Variants in MGA observed in about 807,000 individuals in gnomAD.
MGA encodes MAX dimerization protein MGA.
MGA carries 40 observed loss-of-function variants against 261.1 expected under a neutral mutation model. The ratio of observed to expected loss-of-function variants is 0.15; its 90% CI spans 0.12 to 0.20. The LOEUF (loss-of-function observed/expected upper bound fraction) is 0.20. Among genes scored for constraint, MGA ranks in the 10% least tolerant of loss-of-function variants. MGA has a pLI of 1.00. For synonymous variants in MGA, 1,302 were observed against 1,290.6 expected (o/e 1.01, Z -0.19); for missense variants, 3,397 against 3,630.5 (o/e 0.94, Z 1.65).
intron 9 of MGA, among the ~76,000 whole-genome samples, chr15:41,722,270 C>T (rs1019361258): frequency 2.0e-5 from 3 of 151,908 alleles, no homozygotes; most frequent in Non-Finnish European, 2.9e-5. Flanking sequence ...GCTGGGACTA[C>T]AGGCGCCCGC....
chr15:41,644,326 T>C (rs1424489647), intron 1 of MGA, among the ~76,000 whole-genome samples: 1 of 120,464 alleles, frequency 8.3e-6, no homozygotes, highest in Non-Finnish European at 1.6e-5. Flanking sequence ...CTGGGCAACG[T>C]AGCAAGACTC....
intron 1 of MGA, among the ~76,000 whole-genome samples, chr15:41,624,438 G>A (rs1444435148): frequency 2.7e-5 from 4 of 150,596 alleles, no homozygotes; most frequent in Non-Finnish European, 1.5e-5. Context: ...TGTATTTTTA[G>A]TAGAGATAGG....
chr15:41,713,658 GCACA>G (rs1567020445), intron 9 of MGA, among the ~76,000 whole-genome samples, 162 bp downstream of exon 9: 1 of 152,178 alleles, frequency 6.6e-6, no homozygotes, highest in Non-Finnish European at 1.5e-5. Flanking sequence ...TATCTGAGAT[GCACA>G]CAAACACACA....
intron 19 of MGA, among the ~76,000 whole-genome samples, chr15:41,759,436 ATATGTGTGTG>A (rs1279927704): frequency 6.9e-6 from 1 of 145,448 alleles, no homozygotes; most frequent in Admixed American, 6.9e-5. Context: ...AAGCTTCTTA[ATATGTGTGTG>A]TGTGTGTGTG....
chr15:41,683,337 C>T (rs950960003), intron 2 of MGA, among the ~76,000 whole-genome samples: 5 of 151,804 alleles, frequency 3.3e-5, no homozygotes, highest in Non-Finnish European at 7.4e-5. Flanking sequence ...ATCCTCTCAC[C>T]TCAGCCTCCT....
intron 9 of MGA, 24 bp from the exon 10 acceptor site, chr15:41,727,156 A>C (rs760074712): frequency 6.3e-7 from 1 of 1,588,780 alleles, no homozygotes; most frequent in East Asian, 2.2e-5. Context: ...AGTACCTAAA[A>C]CCTTACCCTT....
intron 9 of MGA, 119 bp downstream of exon 9, chr15:41,713,615 T>A (rs1233539099): frequency 4.1e-6 from 5 of 1,214,394 alleles, no homozygotes; most frequent in Non-Finnish European, 5.6e-6. Flanking sequence ...CTTTGAGACT[T>A]CTTATTATCC....
Position 41,704,743 on chromosome 15 carries a change from T to C in MGA, c.2189-2985T>C, listed in dbSNP as rs935782199. Among the ~76,000 whole-genome samples the C allele has an allele frequency of 2.0e-5, 3 of 152,368 alleles. No individual in the cohort carries two copies. In the East Asian group the frequency reaches 5.8e-4, roughly 29 times the overall value. ...TTTTCTATTCTGTGTTTACTACTTA[T>C]ATAGGTGTTTATAGAACTATAAACA... is the stretch of plus-strand genomic sequence containing the variant. On this transcript the variant is annotated intron_variant, in intron 5 of 23. Coordinates refer to ENST00000219905, the MANE Select transcript of MGA (RefSeq NM_001164273.2).
intron 1 of MGA, among the ~76,000 whole-genome samples, chr15:41,637,260 GA>G (rs1276960733): frequency 6.6e-6 from 1 of 152,164 alleles, no homozygotes; most frequent in Non-Finnish European, 1.5e-5. Context: ...TACAGATTAG[GA>G]AGATAGGTCA....
chr15:41,629,740 A>T (rs2056547862), intron 1 of MGA, among the ~76,000 whole-genome samples: 1 of 152,086 alleles, frequency 6.6e-6, no homozygotes, highest in Non-Finnish European at 1.5e-5. Context: ...AAAAAACAAA[A>T]CTGAAAACAA....
In MGA at chr15:41,766,694, G is replaced by A. The variant is rs762289444; in HGVS notation, c.8612G>A (p.Ser2871Asn). Residue 2871 changes from serine (S) to asparagine (N), a missense_variant, in exon 24 of 24, where the codon AGC becomes AAC. This residue lies in a region of MGA where 647 missense variants were observed against 642.4 expected (regional missense o/e 1.01). Coordinates refer to ENST00000219905, the MANE Select transcript of MGA (RefSeq NM_001164273.2). Reference sequence around the variant, plus strand: ...TTTATTAGTAAGGTTCCTCCTGGAAGCAGAGCAACTTTCCAGGTTGAGCAC... The same window carrying A: ...TTTATTAGTAAGGTTCCTCCTGGAAACAGAGCAACTTTCCAGGTTGAGCAC... 31 of 1,613,902 alleles carry A rather than the reference G, an allele frequency of 1.9e-5. 1 individual carries two copies. The South Asian group carries it at 3.2e-4, about 17-fold the overall frequency.
chr15:41,655,570 TTTA>T (rs1478252744), upstream of MGA, among the ~76,000 whole-genome samples: 1 of 152,186 alleles, frequency 6.6e-6, no homozygotes, highest in Admixed American at 6.5e-5. Context: ...TGTATTGTCA[TTTA>T]TTTGTTTTAT....
chr15:41,717,862 C>G (rs1243581064), intron 9 of MGA, among the ~76,000 whole-genome samples: 1 of 151,972 alleles, frequency 6.6e-6, no homozygotes, highest in Admixed American at 6.6e-5. Flanking sequence ...TCAAATCCAA[C>G]AGTATATTTA....
chr15:41,673,867 T>C (rs1292948926), intron 2 of MGA, among the ~76,000 whole-genome samples: 2 of 152,114 alleles, frequency 1.3e-5, no homozygotes, highest in Non-Finnish European at 2.9e-5. Flanking sequence ...TATCTATGAC[T>C]TTGACCTCTT....
chr15:41,736,111 T>G (rs1394987390), intron 12 of MGA, 70 bp from the exon 13 acceptor site: 4 of 1,291,788 alleles, frequency 3.1e-6, no homozygotes, highest in Non-Finnish European at 3.1e-6. Context: ...TTTTTCAGAG[T>G]TTCATACAAA....
intron 1 of MGA, among the ~76,000 whole-genome samples, chr15:41,626,522 A>G (rs1378947063): frequency 6.6e-6 from 1 of 152,156 alleles, no homozygotes. Flanking sequence ...TCCCGGGTTC[A>G]AGTGATTCTC....
At chr15:41,705,750 T>A (rs1447657309) in intron 5 of MGA, among the ~76,000 whole-genome samples, 1 of 152,198 alleles carries the variant, frequency 6.6e-6, no homozygotes, top group African/African-American at 2.4e-5. Flanking sequence ...TGTGGTGGAT[T>A]GGTGTTCATT....
chr15:41,657,339 CTTTTTTTTTT>C (rs373920516), upstream of MGA, among the ~76,000 whole-genome samples: 6 of 106,920 alleles, frequency 5.6e-5, no homozygotes, highest in African/African-American at 2.1e-4. Context: ...AGTGAAGGCC[CTTTTTTTTTT>C]TTTTTTTTTT....
intron 2 of MGA, among the ~76,000 whole-genome samples, chr15:41,694,928 G>A (rs1161382975): frequency 6.6e-6 from 1 of 152,058 alleles, no homozygotes; most frequent in African/African-American, 2.4e-5. Context: ...GTGCCACCAT[G>A]CCTGGCTATA....
Sources: allele counts gnomAD v4.1 joint callset (sites outside exome capture counted in the v4.1 genomes callset), GRCh38; gene constraint gnomAD v4.1.1; regional missense constraint gnomAD v4.1.1; transcripts MANE v1.5; gene names NCBI Gene and HGNC (gene_info 2026-07-23, HGNC 2026-07-21).